Variants in CAMTA1 observed in about 807,000 individuals in gnomAD.
CAMTA1 encodes calmodulin-binding transcription activator 1.
A neutral mutation model predicts 170.9 loss-of-function variants in CAMTA1; 27 were observed. The observed-to-expected ratio is 0.16, with a 90% CI of 0.12 to 0.22. The LOEUF (loss-of-function observed/expected upper bound fraction) is 0.22, where lower values mean the gene tolerates loss of function less well. Among genes scored for constraint, CAMTA1 ranks in the 10% least tolerant of loss-of-function variants. The pLI, the probability that CAMTA1 is intolerant of heterozygous loss-of-function variation, is 1.00. For missense variants in CAMTA1, 1,619 were observed against 2,217.2 expected (o/e 0.73, Z 5.42); for synonymous variants, 833 against 891.5 (o/e 0.93, Z 1.17).
chr1:7,640,752 G>A (rs1176200227), intron 7 of CAMTA1, among the ~76,000 whole-genome samples, 199 bp downstream of exon 7: 1 of 152,212 alleles, frequency 6.6e-6, no homozygotes, highest in East Asian at 1.9e-4. Context: ...AACAGCCAGG[G>A]CACAAAATGC....
intron 3 of CAMTA1, among the ~76,000 whole-genome samples, chr1:7,021,823 C>T (rs74606205): frequency 0.019 from 2,893 of 152,264 alleles, 34 homozygotes; most frequent in Middle Eastern, 0.041. Flanking sequence ...TTCTGCTTCC[C>T]TGTAAAGTAG....
At chr1:7,542,515 A>C (rs1354553487) in intron 6 of CAMTA1, among the ~76,000 whole-genome samples, 1 of 151,844 alleles carries the variant, frequency 6.6e-6, no homozygotes, top group Non-Finnish European at 1.5e-5. Flanking sequence ...GGCTCACTGC[A>C]ACCTCTGCCT....
intron 6 of CAMTA1, among the ~76,000 whole-genome samples, chr1:7,512,425 G>C (rs926259804): frequency 1.3e-5 from 2 of 152,204 alleles, no homozygotes; most frequent in African/African-American, 4.8e-5. Context: ...TCAGGTTTGC[G>C]GCAACACTGC....
chr1:7,309,682 G>A (rs543442710), intron 5 of CAMTA1, among the ~76,000 whole-genome samples: 42 of 151,706 alleles, frequency 2.8e-4, no homozygotes, highest in Non-Finnish European at 4.0e-4. Flanking sequence ...TTTTAGTATT[G>A]TATTTTACAT....
chr1:7,695,728 CA>C (rs940648258), intron 11 of CAMTA1, among the ~76,000 whole-genome samples: 1 of 152,096 alleles, frequency 6.6e-6, no homozygotes, highest in African/African-American at 2.4e-5. Context: ...GAGAGATCAG[CA>C]GGGGGTGGGG....
chr1:7,501,321 A>G (rs914047582), intron 6 of CAMTA1, among the ~76,000 whole-genome samples: 1 of 152,332 alleles, frequency 6.6e-6, no homozygotes, highest in Non-Finnish European at 1.5e-5. Context: ...GGCAGGCAAG[A>G]GGAAGGGAGG....
rs1476767523 is a variant in CAMTA1 at position 7,673,308 on chromosome 1, G to C, written c.2779+2271G>C. On this transcript the variant is annotated intron_variant, in intron 10 of 22. Transcript: ENST00000303635. The surrounding 1 kb of genome is among the most constrained non-coding windows in gnomAD (Gnocchi z 4.6). ...TCCCTGTTGCTGGAGCTCAGTGCCT[G>C]ACCTCTCTGGGCCTCAGTTTCTACA... 6.6e-6 allele frequency among the ~76,000 whole-genome samples: 1 copy of C among 152,264 alleles called. No homozygotes were observed. The highest frequency in any genetic ancestry group is 1.5e-5 in the Non-Finnish European group (1 of 68,050).
chr1:7,011,348 G>T (rs1699753585), intron 3 of CAMTA1, among the ~76,000 whole-genome samples: 1 of 152,150 alleles, frequency 6.6e-6, no homozygotes, highest in Non-Finnish European at 1.5e-5. Context: ...GCCCTGCCTG[G>T]ATTGTAACTA....
chr1:7,341,952 C>G (rs2083865054), intron 5 of CAMTA1, among the ~76,000 whole-genome samples: 1 of 152,210 alleles, frequency 6.6e-6, no homozygotes, highest in African/African-American at 2.4e-5. Flanking sequence ...GAGAATCCTT[C>G]TGAGTGTAAG....
At chr1:7,422,967 T>G (rs2091659829) in intron 5 of CAMTA1, among the ~76,000 whole-genome samples, 1 of 152,272 alleles carries the variant, frequency 6.6e-6, no homozygotes, top group Non-Finnish European at 1.5e-5. Flanking sequence ...AGATGCATTT[T>G]CAGAGCATAG....
At chr1:6,812,183 G>A (rs1046965176) in intron 1 of CAMTA1, among the ~76,000 whole-genome samples, 1 of 152,170 alleles carries the variant, frequency 6.6e-6, no homozygotes, top group African/African-American at 2.4e-5. Context: ...GTGGAGAAGC[G>A]TTGCTGCATT....
At chr1:7,098,054 C>T (rs1309317383) in intron 4 of CAMTA1, among the ~76,000 whole-genome samples, 3 of 152,140 alleles carry the variant, frequency 2.0e-5, no homozygotes, top group African/African-American at 7.2e-5. Context: ...CTCTGTAGCT[C>T]TTCCTCAGGT....
chr1:7,366,109 G>A (rs181917871), intron 5 of CAMTA1, among the ~76,000 whole-genome samples: 1 of 152,322 alleles, frequency 6.6e-6, no homozygotes, highest in East Asian at 1.9e-4. Flanking sequence ...ACTGGCATGG[G>A]GCACTCAGAA....
intron 3 of CAMTA1, among the ~76,000 whole-genome samples, chr1:6,998,629 C>T (rs941547471): frequency 6.6e-6 from 1 of 152,232 alleles, no homozygotes; most frequent in Non-Finnish European, 1.5e-5. Context: ...CCTTGCGTTT[C>T]GTCTCTCTTG....
At chr1:7,238,595 T>G (rs1190388454) in intron 4 of CAMTA1, among the ~76,000 whole-genome samples, 3 of 152,246 alleles carry the variant, frequency 2.0e-5, no homozygotes, top group Non-Finnish European at 4.4e-5. Flanking sequence ...TAATATTTAC[T>G]GAGCAGGGCC....
Position 7,007,719 on chromosome 1 carries a change from G to A in CAMTA1, c.235-83585G>A, listed in dbSNP as rs1295638458. ...CCCCCTGTGGGGCTCCCGGGGCGTCGCTTCTGCCTCTTCCAGTGCTTTCCG... is the reference window on the plus strand; with the variant it reads ...CCCCCTGTGGGGCTCCCGGGGCGTCACTTCTGCCTCTTCCAGTGCTTTCCG... On this transcript the variant is annotated intron_variant, in intron 3 of 22. Transcript: ENST00000303635. The surrounding 1 kb of genome is among the most constrained non-coding windows in gnomAD (Gnocchi z 4.5). Among the ~76,000 whole-genome samples the A allele has an allele frequency of 6.6e-6, 1 of 152,130 alleles. No homozygotes were observed. Among genetic ancestry groups the A allele is most frequent in the Non-Finnish European group, 1.5e-5 (1 of 68,030 alleles).
chr1:7,340,845 G>A (rs1401375412), intron 5 of CAMTA1, among the ~76,000 whole-genome samples: 1 of 152,082 alleles, frequency 6.6e-6, no homozygotes, highest in Non-Finnish European at 1.5e-5. Context: ...CAAGAATTCA[G>A]TGGAGGACAG....
At chr1:7,353,843 T>C (rs1337097778) in intron 5 of CAMTA1, among the ~76,000 whole-genome samples, 2 of 152,166 alleles carry the variant, frequency 1.3e-5, no homozygotes, top group Non-Finnish European at 2.9e-5. Context: ...GGGGTACAAA[T>C]GATTTTGTCA....
intron 6 of CAMTA1, among the ~76,000 whole-genome samples, chr1:7,527,780 C>T (rs1392385014): frequency 6.6e-6 from 1 of 152,188 alleles, no homozygotes. Context: ...AAGGGTGCCT[C>T]ACTTGGGAGC....
Sources: allele counts gnomAD v4.1 joint callset (sites outside exome capture counted in the v4.1 genomes callset), GRCh38; gene constraint gnomAD v4.1.1; non-coding constraint Gnocchi (gnomAD v3.1); transcripts MANE v1.5; gene names NCBI Gene and HGNC (gene_info 2026-07-23, HGNC 2026-07-21).